Variants in DOCK7 observed in about 807,000 individuals in gnomAD.
DOCK7 encodes the protein dedicator of cytokinesis protein 7.
DOCK7 carries 138 observed loss-of-function variants against 271.0 expected under a neutral mutation model. The ratio of observed to expected loss-of-function variants is 0.51; its 90% CI spans 0.44 to 0.59. The LOEUF is 0.59. Ranked by LOEUF, DOCK7 falls within the 20% of genes least tolerant of loss-of-function variation. The pLI is 0.00. For synonymous variants in DOCK7, 823 were observed against 876.1 expected, an observed-to-expected ratio of 0.94 and a Z score of 1.07; for missense variants, 2,066 against 2,592.4, an observed-to-expected ratio of 0.80 and a Z score of 4.41.
rs11311703 is a variant in DOCK7 at position 62,506,471 on chromosome 1, C to CT, written c.4477-656dup. Among the ~76,000 whole-genome samples, 288 of 147,986 alleles carry CT rather than the reference C, an allele frequency of 1.9e-3. 4 individuals carry two copies. Among genetic ancestry groups the CT allele is most frequent in the African/African-American group, 6.0e-3 (243 of 40,172 alleles). On this transcript the variant is annotated intron_variant, in intron 35 of 49. Coordinates refer to ENST00000635253, the MANE Select transcript of DOCK7 (RefSeq NM_001367561.1). ...TAGTCAGGATAATGACTGATAAAAT[C>CT]TTTTTTTTTTTGTTTTTGAGATGGA... is the stretch of plus-strand genomic sequence containing the variant.
chr1:62,570,308 A>G (rs781612659), intron 18 of DOCK7, among the ~76,000 whole-genome samples: 19 of 152,342 alleles, frequency 1.2e-4, no homozygotes, highest in South Asian at 2.1e-4. Context: ...TATAATTGCT[A>G]CAAAGAGAAT....
At chr1:62,532,370 A>G (rs1169237849) in intron 29 of DOCK7, among the ~76,000 whole-genome samples, 2 of 151,734 alleles carry the variant, frequency 1.3e-5, no homozygotes, top group Non-Finnish European at 2.9e-5. Flanking sequence ...ACAGGGTCTC[A>G]CTCTGTCACC....
Position 62,578,486 on chromosome 1 carries a change from G to A in DOCK7, c.2010+342C>T, listed in dbSNP as rs555953745. On this transcript the variant is annotated intron_variant, in intron 17 of 49. Coordinates refer to ENST00000635253, the MANE Select transcript of DOCK7 (RefSeq NM_001367561.1). ...TGTAATCCTAGCACTTTGGGAGGCC[G>A]AGGCAGGCAGATCACTTGAAGCCAA... Among the ~76,000 whole-genome samples, 7 of 152,160 alleles carry A rather than the reference G, an allele frequency of 4.6e-5. No homozygotes were observed. In the East Asian group the frequency reaches 5.8e-4, roughly 13 times the overall value.
intron 18 of DOCK7, among the ~76,000 whole-genome samples, chr1:62,574,883 C>A (rs911065303): frequency 1.3e-5 from 2 of 152,140 alleles, no homozygotes; most frequent in African/African-American, 4.8e-5. Context: ...GTGCCTGCCA[C>A]CACACCTGGC....
intron 1 of DOCK7, among the ~76,000 whole-genome samples, chr1:62,678,296 C>CA (rs923102754): frequency 7.9e-5 from 12 of 151,306 alleles, no homozygotes; most frequent in East Asian, 5.8e-4. Context: ...AAGGAAGAAA[C>CA]AAAAAAAATA....
chr1:62,682,882 G>A (rs1260508030), intron 1 of DOCK7, among the ~76,000 whole-genome samples: 5 of 152,186 alleles, frequency 3.3e-5, no homozygotes, highest in Admixed American at 3.3e-4. Context: ...AGGGAAAGTT[G>A]TGGGATCAAG....
At chr1:62,584,722 C>G (rs1463935562) in intron 15 of DOCK7, 1 of 1,051,222 alleles carries the variant, frequency 9.5e-7, no homozygotes, top group Non-Finnish European at 1.4e-6. Context: ...AGTAAGACAT[C>G]GTCCCTGCCC....
rs1193902104 is a variant in DOCK7, at chr1:62,603,374, G to A, written c.1682+15332C>T. 4.6e-5 allele frequency among the ~76,000 whole-genome samples: 7 copies of A among 151,708 alleles called. No individual in the cohort carries two copies. The East Asian group carries it at 1.4e-3, about 29-fold the overall frequency. On this transcript the variant is annotated intron_variant, in intron 14 of 49. Transcript: ENST00000635253. Reference sequence around the variant, plus strand: ...GATGAAGAACAATCTATTTATATTTGTTATTTGTTTTTAATTCCAATAAAA... The same window carrying A: ...GATGAAGAACAATCTATTTATATTTATTATTTGTTTTTAATTCCAATAAAA...
At chr1:62,653,464 T>G (rs1657617192) in intron 4 of DOCK7, among the ~76,000 whole-genome samples, 1 of 152,162 alleles carries the variant, frequency 6.6e-6, no homozygotes, top group Non-Finnish European at 1.5e-5. Context: ...GACCACAAAA[T>G]CATTATCATA....
chr1:62,561,749 T>C (rs1483130006), intron 18 of DOCK7, 46 bp from the exon 19 acceptor site: 2 of 1,239,278 alleles, frequency 1.6e-6, no homozygotes, highest in Non-Finnish European at 2.2e-6. Context: ...AAGTAGATTA[T>C]GAACTCTGAA....
intron 7 of DOCK7, among the ~76,000 whole-genome samples, chr1:62,639,520 C>T (rs1655729145): frequency 6.8e-6 from 1 of 146,858 alleles, no homozygotes; most frequent in Admixed American, 7.0e-5. Context: ...CTGCAAGCTC[C>T]ACCTCCTGGG....
intron 28 of DOCK7, among the ~76,000 whole-genome samples, chr1:62,536,683 A>G (rs1645355169): frequency 6.6e-6 from 1 of 151,908 alleles, no homozygotes; most frequent in Non-Finnish European, 1.5e-5. Context: ...TAAATCACGC[A>G]TATGAGATAT....
At chr1:62,647,567 T>C (rs1656823534) in intron 7 of DOCK7, 124 bp downstream of exon 7, 4 of 681,912 alleles carry the variant, frequency 5.9e-6, no homozygotes, top group Admixed American at 5.6e-5. Context: ...TAAAATGACA[T>C]GTAGAACAAT....
chr1:62,512,940 T>C (rs1262968927), intron 33 of DOCK7, among the ~76,000 whole-genome samples: 1 of 151,596 alleles, frequency 6.6e-6, no homozygotes, highest in Non-Finnish European at 1.5e-5. Context: ...AAATAGATGT[T>C]ATATGGAATG....
chr1:62,662,337 T>C (rs928980898), intron 2 of DOCK7, among the ~76,000 whole-genome samples: 2 of 152,194 alleles, frequency 1.3e-5, no homozygotes, highest in South Asian at 4.1e-4. Context: ...GGGCTTACAG[T>C]AATAATTCAA....
At position 62,650,134 on chromosome 1, in the gene DOCK7, T is replaced by C. The variant is rs1657152914; in HGVS notation, c.390-1590A>G. Among the ~76,000 whole-genome samples, 2 of 152,172 alleles carry C rather than the reference T, an allele frequency of 1.3e-5. 1 individual carries two copies. Among genetic ancestry groups the C allele is most frequent in the South Asian group, 4.1e-4 (2 of 4,824 alleles). ...AAAATAAAAATATTTGTCCCTCTTC[T>C]TGGCCCTCTCTATCCACTTCATCCT... On this transcript the variant is annotated intron_variant, in intron 4 of 49. Coordinates refer to ENST00000635253, the MANE Select transcript of DOCK7 (RefSeq NM_001367561.1).
At chr1:62,504,830 T>C in intron 36 of DOCK7, 48 bp from the exon 37 acceptor site, 1 of 1,592,714 alleles carries the variant, frequency 6.3e-7, no homozygotes, top group Non-Finnish European at 8.5e-7. Flanking sequence ...CAGTAAAAGT[T>C]TCTGAGATAT....
intron 7 of DOCK7, chr1:62,641,132 A>G (rs1295122682): frequency 1.3e-5 from 4 of 297,458 alleles, no homozygotes; most frequent in Admixed American, 4.3e-5. Flanking sequence ...CCAGGAGTCC[A>G]TGGCTCTTGA....
chr1:62,638,220 C>T (rs1655516677), intron 7 of DOCK7: 2 of 152,090 alleles, frequency 1.3e-5, no homozygotes, highest in Non-Finnish European at 2.9e-5. Context: ...GAGCACACTG[C>T]CAAGTATATG....
Sources: gnomAD v4.1 joint callset for allele counts (sites outside exome capture counted in the v4.1 genomes callset) on GRCh38, gnomAD v4.1.1 for gene constraint, MANE v1.5 for transcripts, NCBI Gene and HGNC (gene_info 2026-07-23, HGNC 2026-07-21) for gene names.